The following LARGE1 variants were observed in gnomAD, a reference collection of about 807,000 sequenced individuals.
The protein encoded by LARGE1 is xylosyl- and glucuronyltransferase LARGE1.
In LARGE1, 43 loss-of-function variants were observed where a neutral mutation model predicts 87.6. That is an observed-to-expected ratio of 0.49 (90% CI 0.38 to 0.63). The LOEUF is 0.63. LARGE1 is among the 30% of genes least tolerant of loss of function. The pLI is 0.00. For synonymous variants in LARGE1, 434 were observed against 394.6 expected, an observed-to-expected ratio of 1.10 and a Z score of -1.18; for missense variants, 802 against 1,000.2, an observed-to-expected ratio of 0.80 and a Z score of 2.67.
chr22:33,723,140 C>A (rs1427311740), intron 2 of LARGE1, among the ~76,000 whole-genome samples: 10 of 152,122 alleles, frequency 6.6e-5, no homozygotes, highest in Non-Finnish European at 1.5e-4. Flanking sequence ...AGGGGTCAGA[C>A]AGAAGCTAGC....
At chr22:33,086,608 AG>A in the LARGE1 span, among the ~76,000 whole-genome samples, 1 of 139,188 alleles carries the variant, frequency 7.2e-6, no homozygotes, top group Non-Finnish European at 1.5e-5. Context: ...GCTAGAGTGC[AG>A]CGGCGTGATC....
At chr22:33,280,249 T>G (rs1443072479) in intron 13 of LARGE1, among the ~76,000 whole-genome samples, 1 of 149,190 alleles carries the variant, frequency 6.7e-6, no homozygotes, top group Non-Finnish European at 1.5e-5. Flanking sequence ...TTCATAGATT[T>G]ATGATGATTA....
intron 11 of LARGE1, among the ~76,000 whole-genome samples, chr22:33,235,366 C>T (rs1360362025): frequency 6.6e-6 from 1 of 152,180 alleles, no homozygotes; most frequent in Non-Finnish European, 1.5e-5. Context: ...TATTTGCCCT[C>T]AGACCTGCAT....
At chr22:33,243,450 A>G (rs1442732695) in intron 11 of LARGE1, among the ~76,000 whole-genome samples, 2 of 152,168 alleles carry the variant, frequency 1.3e-5, no homozygotes, top group East Asian at 3.9e-4. Context: ...GTCACCAATG[A>G]TTAGTTTTGT....
chr22:33,437,010 G>T (rs562688130), intron 6 of LARGE1, among the ~76,000 whole-genome samples: 2 of 152,006 alleles, frequency 1.3e-5, no homozygotes, highest in Non-Finnish European at 1.5e-5. Flanking sequence ...CAGGGGCGGG[G>T]GTGGTGCATA....
At chr22:33,853,711 T>A (rs544971844) in intron 1 of LARGE1, among the ~76,000 whole-genome samples, 33 of 152,370 alleles carry the variant, frequency 2.2e-4, no homozygotes, top group African/African-American at 7.9e-4. Flanking sequence ...TTCCCACATG[T>A]GCTGAGTTGG....
chr22:33,533,031 T>C lies in LARGE1; in HGVS notation c.787+31817A>G, dbSNP rs139967065. Among the ~76,000 whole-genome samples, 106 of 152,126 alleles carry C rather than the reference T, an allele frequency of 7.0e-4. No individual in the cohort carries two copies. In the East Asian group the frequency reaches 0.017, roughly 25 times the overall value. ...AGGAATGAGAAAAGTAAAAACAAAA[T>C]TGAGAAAAAAGAAACATCAAGTATA... On this transcript the variant is annotated intron_variant, in intron 6 of 14. Transcript: ENST00000397394.
chr22:33,659,456 G>A (rs889294554), intron 2 of LARGE1, among the ~76,000 whole-genome samples: 3 of 152,114 alleles, frequency 2.0e-5, no homozygotes, highest in South Asian at 2.1e-4. Context: ...GTCTGCCAAC[G>A]TGTCATCAGC....
intron 1 of LARGE1, among the ~76,000 whole-genome samples, chr22:33,823,582 CCGA>C (rs1268631524): frequency 6.6e-6 from 1 of 152,186 alleles, no homozygotes; most frequent in African/African-American, 2.4e-5. Context: ...TCAGATAGGT[CCGA>C]CGACATGATT....
At chr22:33,356,197 G>A (rs1236199888) in intron 9 of LARGE1, among the ~76,000 whole-genome samples, 1 of 152,292 alleles carries the variant, frequency 6.6e-6, no homozygotes, top group East Asian at 1.9e-4. Flanking sequence ...AAGTTTATCA[G>A]CTATGTGTAA....
At chr22:33,865,402 T>C (rs938939838) in intron 1 of LARGE1, among the ~76,000 whole-genome samples, 1 of 152,218 alleles carries the variant, frequency 6.6e-6, no homozygotes, top group Non-Finnish European at 1.5e-5. Flanking sequence ...CTTTTTCTTT[T>C]CAAAGTGACA....
intron 1 of LARGE1, among the ~76,000 whole-genome samples, chr22:33,822,660 T>C (rs1461000152): frequency 6.6e-6 from 1 of 152,156 alleles, no homozygotes; most frequent in African/African-American, 2.4e-5. Flanking sequence ...ATCACGCCAC[T>C]GCATTCCAGC....
intron 12 of LARGE1, among the ~76,000 whole-genome samples, chr22:33,291,593 ATAATG>A (rs1932568939): frequency 6.6e-6 from 1 of 152,062 alleles, no homozygotes; most frequent in Non-Finnish European, 1.5e-5. Flanking sequence ...ACATTAATGC[ATAATG>A]TATTCATTAC....
At chr22:33,816,017 C>T (rs183012150) in intron 1 of LARGE1, among the ~76,000 whole-genome samples, 39 of 152,310 alleles carry the variant, frequency 2.6e-4, no homozygotes, top group South Asian at 2.3e-3. Context: ...TTTCCTCTTT[C>T]GCATTCAATG....
intron 5 of LARGE1, among the ~76,000 whole-genome samples, chr22:33,567,903 G>A (rs2078075734): frequency 6.6e-6 from 1 of 152,194 alleles, no homozygotes; most frequent in South Asian, 2.1e-4. Flanking sequence ...TAGGATAATG[G>A]CCTCCAGCTC....
chr22:33,593,360 TG>T (rs2078897404), intron 5 of LARGE1, among the ~76,000 whole-genome samples: 1 of 152,124 alleles, frequency 6.6e-6, no homozygotes. Context: ...GTATATTTTC[TG>T]AGTTCCTGCA....
chr22:33,544,710 A>ACAACAACAACAG (rs2077306914), intron 6 of LARGE1, among the ~76,000 whole-genome samples: 1 of 151,750 alleles, frequency 6.6e-6, no homozygotes, highest in African/African-American at 2.4e-5. Flanking sequence ...AACAACAACA[A>ACAACAACAACAG]CAACGAGTAC....
intron 6 of LARGE1, among the ~76,000 whole-genome samples, chr22:33,464,490 T>C (rs1377138550): frequency 1.3e-5 from 2 of 152,166 alleles, no homozygotes; most frequent in Admixed American, 1.3e-4. Context: ...AAAGGCTTAG[T>C]TTGCAGAACA....
chr22:33,186,301 G>A (rs137391), intron 11 of LARGE1, among the ~76,000 whole-genome samples: 90,950 of 151,900 alleles, frequency 0.6, 27,471 homozygotes, highest in Middle Eastern at 0.66. Context: ...CCAGTGATAC[G>A]TAAAAAAGGT....
Sources: allele counts gnomAD v4.1 joint callset (sites outside exome capture counted in the v4.1 genomes callset), GRCh38; gene constraint gnomAD v4.1.1; transcripts MANE v1.5; gene names NCBI Gene and HGNC (gene_info 2026-07-23, HGNC 2026-07-21).